ANKH: variants seen among roughly 807,000 people sequenced by gnomAD.
ANKH encodes ANKH inorganic pyrophosphate transport regulator, also known as mineralization regulator ANKH.
ANKH carries 15 observed loss-of-function variants against 49.0 expected under a neutral mutation model. The ratio of observed to expected loss-of-function variants is 0.31; its 90% CI spans 0.20 to 0.47. The LOEUF is 0.47. Ranked by LOEUF, ANKH falls within the 20% of genes least tolerant of loss-of-function variation. The probability of loss-of-function intolerance (pLI) is 1.00; values close to 1 mark genes in which losing one functional copy is unlikely to be tolerated. For missense variants in ANKH, 429 were observed against 652.0 expected, an observed-to-expected ratio of 0.66 and a Z score of 3.72; for synonymous variants, 273 against 260.0, an observed-to-expected ratio of 1.05 and a Z score of -0.48.
intron 1 of ANKH, among the ~76,000 whole-genome samples, chr5:14,826,497 T>G (rs1741346180): frequency 6.6e-6 from 1 of 152,340 alleles, no homozygotes; most frequent in East Asian, 1.9e-4. Context: ...TCTTCATCTA[T>G]CAAATGGGGA....
chr5:14,769,231 C>T (rs1289717891), intron 1 of ANKH, 40 bp from the exon 2 acceptor site: 1 of 1,510,692 alleles, frequency 6.6e-7, no homozygotes, highest in East Asian at 2.4e-5. Context: ...TTAGAAATGT[C>T]ATCTCTTCTC....
At chr5:14,776,927 G>A (rs757087432) in intron 1 of ANKH, among the ~76,000 whole-genome samples, 23 of 152,306 alleles carry the variant, frequency 1.5e-4, no homozygotes, top group Admixed American at 5.2e-4. Context: ...ATGGCACAAG[G>A]CATTTCAGAT....
intron 1 of ANKH, among the ~76,000 whole-genome samples, chr5:14,802,634 C>G (rs1740597757): frequency 6.6e-6 from 1 of 152,038 alleles, no homozygotes; most frequent in Admixed American, 6.6e-5. Flanking sequence ...CTCCTCTTCT[C>G]CATTCTAGAT....
At chr5:14,837,828 T>C (rs977639435) in intron 1 of ANKH, among the ~76,000 whole-genome samples, 1 of 152,182 alleles carries the variant, frequency 6.6e-6, no homozygotes, top group African/African-American at 2.4e-5. Flanking sequence ...TGGACACGTA[T>C]GTTTACTGCG....
chr5:14,795,461 T>A (rs748810525), intron 1 of ANKH, among the ~76,000 whole-genome samples: 4 of 152,198 alleles, frequency 2.6e-5, no homozygotes. Flanking sequence ...TGCAATTGAT[T>A]GATAGGATGT....
intron 1 of ANKH, among the ~76,000 whole-genome samples, chr5:14,785,119 AAC>A (rs1460092327): frequency 6.6e-6 from 1 of 152,202 alleles, no homozygotes; most frequent in African/African-American, 2.4e-5. Flanking sequence ...CCACTGCCCA[AAC>A]ACAGTTATTT....
intron 1 of ANKH, among the ~76,000 whole-genome samples, chr5:14,789,986 AG>A (rs1740112960): frequency 1.3e-5 from 2 of 152,212 alleles, no homozygotes; most frequent in Non-Finnish European, 2.9e-5. Context: ...CTGGGATTAC[AG>A]GCGTGAGCCA....
At chr5:14,727,249 A>G (rs1737850574) in intron 8 of ANKH, among the ~76,000 whole-genome samples, 1 of 152,182 alleles carries the variant, frequency 6.6e-6, no homozygotes, top group African/African-American at 2.4e-5. Flanking sequence ...GTTGATAATC[A>G]TAATAATTAT....
Position 14,789,185 on chromosome 5 carries a change from G to A in ANKH, c.97-19994C>T, listed in dbSNP as rs201897974. On this transcript the variant is annotated intron_variant, in intron 1 of 11. Coordinates refer to ENST00000284268, the MANE Select transcript of ANKH (RefSeq NM_054027.6). ...AGAGGTTATAATGAGCCAAGATTGC[G>A]CCACTGCACTCCAGCCTGGGCGACA... Among the ~76,000 whole-genome samples the A allele has an allele frequency of 2.6e-4, 40 of 152,126 alleles. No individual in the cohort carries two copies. The East Asian group carries it at 6.2e-3, about 24-fold the overall frequency.
intron 1 of ANKH, among the ~76,000 whole-genome samples, chr5:14,802,511 T>G (rs1481420465): frequency 6.6e-6 from 1 of 152,148 alleles, no homozygotes; most frequent in Non-Finnish European, 1.5e-5. Context: ...TGGAGGGACC[T>G]CTGAAGATGC....
At chr5:14,767,195 A>G (rs1426583903) in intron 2 of ANKH, among the ~76,000 whole-genome samples, 1 of 152,194 alleles carries the variant, frequency 6.6e-6, no homozygotes, top group Non-Finnish European at 1.5e-5. Flanking sequence ...AGAAAAGCTT[A>G]CAGGATTACT....
At chr5:14,712,743 C>T (rs553543589) in intron 11 of ANKH, 131 bp downstream of exon 11, 54 of 915,876 alleles carry the variant, frequency 5.9e-5, no homozygotes, top group Middle Eastern at 3.2e-4. Flanking sequence ...CCCTAAGCCA[C>T]GAGACTGGGC....
intron 1 of ANKH, among the ~76,000 whole-genome samples, chr5:14,822,805 G>A (rs773274927): frequency 5.3e-5 from 8 of 152,196 alleles, no homozygotes; most frequent in Non-Finnish European, 1.0e-4. Flanking sequence ...CCAGCACTTT[G>A]GGAGGCCGAG....
intron 5 of ANKH, 38 bp downstream of exon 5, chr5:14,751,031 G>C (rs1738696095): frequency 6.2e-7 from 1 of 1,607,230 alleles, no homozygotes; most frequent in Non-Finnish European, 8.5e-7. Flanking sequence ...ATTCTACTCT[G>C]AGTCTCAGAC....
chr5:14,764,072 A>G (rs1217331785), intron 2 of ANKH, among the ~76,000 whole-genome samples: 3 of 151,674 alleles, frequency 2.0e-5, no homozygotes, highest in Non-Finnish European at 4.4e-5. Context: ...TGGGTGACAG[A>G]ACGGAAAATA....
intron 1 of ANKH, among the ~76,000 whole-genome samples, chr5:14,778,031 C>T (rs1561051105): frequency 6.6e-6 from 1 of 152,218 alleles, no homozygotes; most frequent in Non-Finnish European, 1.5e-5. Flanking sequence ...GCCTCTGCCA[C>T]TTGTGTTACC....
intron 1 of ANKH, among the ~76,000 whole-genome samples, chr5:14,802,329 C>T (rs1353048620): frequency 6.6e-6 from 1 of 152,030 alleles, no homozygotes; most frequent in East Asian, 1.9e-4. Context: ...AATCAATCAC[C>T]TTGTCCAGTT....
At chr5:14,809,026 C>A (rs1444600636) in intron 1 of ANKH, among the ~76,000 whole-genome samples, 17 of 115,520 alleles carry the variant, frequency 1.5e-4, no homozygotes, top group African/African-American at 5.4e-4. Flanking sequence ...GAGTTCATGT[C>A]CTTTGTAGGG....
At chr5:14,807,206 C>A (rs986575543) in intron 1 of ANKH, among the ~76,000 whole-genome samples, 2 of 151,728 alleles carry the variant, frequency 1.3e-5, no homozygotes, top group African/African-American at 4.8e-5. Flanking sequence ...CCTCCACCTC[C>A]CGGGCTCAAG....
Sources: gnomAD v4.1 joint callset for allele counts (sites outside exome capture counted in the v4.1 genomes callset) on GRCh38, gnomAD v4.1.1 for gene constraint, MANE v1.5 for transcripts, NCBI Gene and HGNC (gene_info 2026-07-23, HGNC 2026-07-21) for gene names.